The following RITA1 variants were observed in gnomAD, a reference collection of about 807,000 sequenced individuals.
The protein encoded by RITA1 is RBPJ-interacting and tubulin-associated protein 1.
RITA1 carries 15 observed loss-of-function variants against 8.7 expected under a neutral mutation model. That is an observed-to-expected ratio of 1.72 (90% CI 1.15 to 2.65). RITA1 has a LOEUF of 2.65. Among genes scored for constraint, RITA1 ranks in the 30% most tolerant of loss-of-function variants. The probability of loss-of-function intolerance (pLI) is 0.00; values close to 1 mark genes in which losing one functional copy is unlikely to be tolerated. For missense variants in RITA1, 330 were observed against 363.8 expected (o/e 0.91, Z 0.76); for synonymous variants, 145 against 156.2 (o/e 0.93, Z 0.53).
chr12:113,187,282 A>G (rs1952549751), intron 3 of RITA1: 2 of 465,720 alleles, frequency 4.3e-6, no homozygotes, highest in Non-Finnish European at 7.5e-6. Flanking sequence ...GAAAGCTGTC[A>G]ATAAATGGTA....
intron 3 of RITA1, chr12:113,187,284 T>A: frequency 2.2e-6 from 1 of 462,394 alleles, no homozygotes; most frequent in East Asian, 3.4e-5. Flanking sequence ...AAGCTGTCAA[T>A]AAATGGTAGT....
chr12:113,188,787 CTTTTTTTTTTTTTTTTTT>C (rs760372956), intron 3 of RITA1, among the ~76,000 whole-genome samples: 26 of 73,198 alleles, frequency 3.6e-4, no homozygotes, highest in African/African-American at 9.3e-4. Context: ...CCTTAGTTAC[CTTTTTTTTTTTTTTTTTT>C]TTTTTTTTTT....
Position 113,186,295 on chromosome 12 carries a change from C to T in RITA1, c.-86C>T. On this transcript the variant is annotated 5_prime_UTR_variant, in exon 2 of 4. Coordinates refer to ENST00000548278, the MANE Select transcript of RITA1 (RefSeq NM_032848.3). ...GTTGAGAGGATTAAATGAAACAATG[C>T]TTGTAAAGCTCTTTGCAGGAGGTAG... 2 of 1,390,696 alleles carry T rather than the reference C, an allele frequency of 1.4e-6. No individual in the cohort carries two copies. 86.1% of individuals were successfully genotyped at this position (1,390,696 alleles called of 1,614,324 possible).
In RITA1 at chr12:113,191,984, T is replaced by C; in HGVS notation, c.*167T>C. ...TGCCTCCCTTTATCCTGACAATCTC[T>C]AGTCGATTCTTGCCTTTTTCTCCCG... On this transcript the variant is annotated 3_prime_UTR_variant, in exon 4 of 4. Transcript: ENST00000548278. This position sits in a 1 kb window ranked among gnomAD's most constrained non-coding sequence, Gnocchi z 4.0. 1 of 864,570 alleles carries C rather than the reference T, an allele frequency of 1.2e-6. No individual in the cohort carries two copies. Among genetic ancestry groups the C allele is most frequent in the Non-Finnish European group, 1.7e-6 (1 of 587,394 alleles). 53.6% of individuals were successfully genotyped at this position (864,570 alleles called of 1,614,324 possible).
In RITA1 at chr12:113,191,804, C is replaced by T. The variant is rs746359182; in HGVS notation, c.797C>T (p.Pro266Leu). 1.2e-6 allele frequency: 2 copies of T among 1,603,088 alleles called. No homozygotes were observed. Among genetic ancestry groups the T allele is most frequent in the Admixed American group, 1.7e-5 (1 of 58,930 alleles). The part of the protein sequence containing the change: ...RRGGATQKPK[P>L]PWK ...GGTGGGGCCACCCAGAAACCAAAGCCCCCTTGGAAATGATACTCTTTCATC... is the reference window on the plus strand; with the variant it reads ...GGTGGGGCCACCCAGAAACCAAAGCTCCCTTGGAAATGATACTCTTTCATC... The change falls in exon 4 of 4, where the codon CCC becomes CTC. Residue 266 changes from proline (P) to leucine (L), a missense_variant. Coordinates refer to ENST00000548278, the MANE Select transcript of RITA1 (RefSeq NM_032848.3). The surrounding 1 kb of genome is among the most constrained non-coding windows in gnomAD (Gnocchi z 4.0).
Position 113,191,352 on chromosome 12 carries a change from T to C in RITA1, c.345T>C (p.Phe115=), listed in dbSNP as rs1952598978. Residue 115 remains phenylalanine, a synonymous_variant, in exon 4 of 4, where the codon TTT becomes TTC. Transcript: ENST00000548278. The surrounding 1 kb of genome is among the most constrained non-coding windows in gnomAD (Gnocchi z 4.0). ...HTPSYCDESL[F]GSRSEGASFG... Reference sequence around the variant, plus strand: ...CGTCTTACTGTGATGAGTCGCTGTTTGGCTCCCGATCTGAAGGCGCCAGCT... The same window carrying C: ...CGTCTTACTGTGATGAGTCGCTGTTCGGCTCCCGATCTGAAGGCGCCAGCT... 1 of 1,573,078 alleles carries C rather than the reference T, an allele frequency of 6.4e-7. No individual in the cohort carries two copies.
Position 113,186,888 on chromosome 12 carries a change from A to G in RITA1, c.142A>G (p.Thr48Ala), listed in dbSNP as rs557616543. 56 of 1,613,944 alleles carry G rather than the reference A, an allele frequency of 3.5e-5. No homozygotes were observed. Among genetic ancestry groups the G allele is most frequent in the Admixed American group, 1.2e-4 (7 of 59,986 alleles). ...TGGCAGCCCAGCAGGCACCCGGCCT[A>G]CCCCACCGGACTTCGATCCGCCCTG... is the stretch of plus-strand genomic sequence containing the variant. Reference protein sequence around the residue: ...LFGSPAGTRPTPPDFDPPWVE... With the variant: ...LFGSPAGTRPAPPDFDPPWVE... The change falls in exon 3 of 4, where the codon ACC becomes GCC. Residue 48 changes from threonine (T) to alanine (A), a missense_variant. Transcript: ENST00000548278.
chr12:113,191,999 T>A lies in RITA1; in HGVS notation c.*182T>A. 5 of 778,066 alleles carry A rather than the reference T, an allele frequency of 6.4e-6. No homozygotes were observed. Among genetic ancestry groups the A allele is most frequent in the South Asian group, 2.1e-5 (1 of 47,426 alleles). The allele number at this position is 778,066 out of a possible 1,614,324, so 48.2% of individuals were successfully genotyped here. On this transcript the variant is annotated 3_prime_UTR_variant, in exon 4 of 4. Coordinates refer to ENST00000548278, the MANE Select transcript of RITA1 (RefSeq NM_032848.3). The surrounding 1 kb of genome is among the most constrained non-coding windows in gnomAD (Gnocchi z 4.0). ...TGACAATCTCTAGTCGATTCTTGCC[T>A]TTTTCTCCCGATTGCGGATTTGGGG...
intron 2 of RITA1, 34 bp downstream of exon 2, chr12:113,186,350 C>G (rs760048096): frequency 8.7e-6 from 12 of 1,377,056 alleles, no homozygotes; most frequent in Non-Finnish European, 1.1e-5. Flanking sequence ...TGTCATTGCC[C>G]CCACCCCCAT....
At chr12:113,187,994 G>C (rs577154911) in intron 3 of RITA1, among the ~76,000 whole-genome samples, 1 of 152,238 alleles carries the variant, frequency 6.6e-6, no homozygotes, top group African/African-American at 2.4e-5. Flanking sequence ...GATTAGCACA[G>C]TAGTTGGCTA....
intron 2 of RITA1, 108 bp from the exon 3 acceptor site, chr12:113,186,575 C>T (rs1952538987): frequency 1.8e-5 from 26 of 1,408,616 alleles, no homozygotes; most frequent in Non-Finnish European, 2.1e-5. Context: ...CTTTGAGAGA[C>T]TGGTTGAGAG....
At position 113,191,554 on chromosome 12, in the gene RITA1, T is replaced by C. The variant is rs552069547; in HGVS notation, c.547T>C (p.Leu183=). The change falls in exon 4 of 4, where the codon TTA becomes CTA. Residue 183 remains leucine (L), a synonymous_variant. Transcript: ENST00000548278. This position sits in a 1 kb window ranked among gnomAD's most constrained non-coding sequence, Gnocchi z 4.0. ...GGGGCCAGCGGCAGACTCCCAGAAG[T>C]TATCTATGGGTGGGTTACACTCTTC... is the stretch of plus-strand genomic sequence containing the variant. The part of the protein sequence containing the change: ...EPGPAADSQK[L]SMGGLHSSRP... 1 of 1,613,824 alleles carries C rather than the reference T, an allele frequency of 6.2e-7. No individual in the cohort carries two copies. Among genetic ancestry groups the C allele is most frequent in the East Asian group, 2.2e-5 (1 of 44,838 alleles).
chr12:113,188,778 C>T (rs1952565452), intron 3 of RITA1, among the ~76,000 whole-genome samples: 1 of 114,398 alleles, frequency 8.7e-6, no homozygotes, highest in South Asian at 2.8e-4. Context: ...GTTATTTAGC[C>T]TTAGTTACCT....
At position 113,186,021 on chromosome 12, in the gene RITA1, G is replaced by A; in HGVS notation, c.-197G>A. 4 of 1,536,068 alleles carry A rather than the reference G, an allele frequency of 2.6e-6. No homozygotes were observed. Among genetic ancestry groups the A allele is most frequent in the Non-Finnish European group, 2.6e-6 (3 of 1,146,844 alleles). ...CGATGCCTACGAGCCAAGATGCTCAGGTAGGAGAACAACCCAAAAATGCAG... is the reference window on the plus strand; with the variant it reads ...CGATGCCTACGAGCCAAGATGCTCAAGTAGGAGAACAACCCAAAAATGCAG... On this transcript the variant is annotated splice_region_variant and 5_prime_UTR_variant, in exon 1 of 4. Transcript: ENST00000548278.
Position 113,192,032 on chromosome 12 carries a change from C to T in RITA1, c.*215C>T, listed in dbSNP as rs1952615562. On this transcript the variant is annotated 3_prime_UTR_variant, in exon 4 of 4. Transcript: ENST00000548278. The stretch of plus-strand genomic sequence containing the variant: ...CCGATTGCGGATTTGGGGGCCACCT[C>T]TAAGATGCCTCTCTCCAGCCCTGTC... 1 of 619,558 alleles carries T rather than the reference C, an allele frequency of 1.6e-6. No homozygotes were observed. Among genetic ancestry groups the T allele is most frequent in the East Asian group, 2.9e-5 (1 of 34,086 alleles). 38.4% of individuals were successfully genotyped at this position (619,558 alleles called of 1,614,324 possible).
In RITA1 at chr12:113,185,745, G is replaced by A; in HGVS notation, c.-473G>A. ...CAGTGCTGCTGGCTGCTCCCTGGTT[G>A]CTGGGTGCAAAGTGCTGGGTTCTGG... On this transcript the variant is annotated 5_prime_UTR_variant, in exon 1 of 4. Transcript: ENST00000548278. The A allele has an allele frequency of 3.5e-6, 2 of 574,692 alleles. No homozygotes were observed. The highest frequency in any genetic ancestry group is 6.0e-6 in the Non-Finnish European group (2 of 332,080). 35.6% of individuals were successfully genotyped at this position (574,692 alleles called of 1,614,324 possible). A position where few individuals can be genotyped will look rare whatever the true frequency, so the allele number is the denominator to read the frequency against.
At chr12:113,189,387 A>G (rs1372892528) in intron 3 of RITA1, among the ~76,000 whole-genome samples, 1 of 152,192 alleles carries the variant, frequency 6.6e-6, no homozygotes. Flanking sequence ...TACCTACAAC[A>G]TGGCTGAAAA....
Position 113,191,675 on chromosome 12 carries a change from C to A in RITA1, c.668C>A (p.Pro223His). Reference protein sequence around the residue: ...PATSAPHTNGPQDLRPSTSGV... With the variant: ...PATSAPHTNGHQDLRPSTSGV... ...ACCAGTGCCCCCCACACAAATGGGC[C>A]TCAGGATCTCAGGCCTTCCACGTCA... Residue 223 changes from proline to histidine, a missense_variant, in exon 4 of 4, where the codon CCT (proline) becomes CAT (histidine). Physicochemically the swap from Pro to His is moderately conservative, Grantham distance 77. Coordinates refer to ENST00000548278, the MANE Select transcript of RITA1 (RefSeq NM_032848.3). This position sits in a 1 kb window ranked among gnomAD's most constrained non-coding sequence, Gnocchi z 4.0. The A allele has an allele frequency of 6.2e-7, 1 of 1,614,160 alleles. No individual in the cohort carries two copies. Among genetic ancestry groups the A allele is most frequent in the African/African-American group, 1.3e-5 (1 of 75,068 alleles).
At chr12:113,188,641 T>C (rs1037818181) in intron 3 of RITA1, among the ~76,000 whole-genome samples, 1 of 151,874 alleles carries the variant, frequency 6.6e-6, no homozygotes, top group East Asian at 1.9e-4. Flanking sequence ...CATAGGGCCT[T>C]TTCTCATTTT....
Sources: allele counts gnomAD v4.1 joint callset (sites outside exome capture counted in the v4.1 genomes callset), GRCh38; gene constraint gnomAD v4.1.1; non-coding constraint Gnocchi (gnomAD v3.1); transcripts MANE v1.5; gene names NCBI Gene and HGNC (gene_info 2026-07-23, HGNC 2026-07-21).